The following ARSF variants were observed in gnomAD, a reference collection of about 807,000 sequenced individuals.
ARSF encodes the protein arylsulfatase F.
A neutral mutation model predicts 35.4 loss-of-function variants in ARSF; 33 were observed. That is an observed-to-expected ratio of 0.93 (90% CI 0.71 to 1.25). The LOEUF (loss-of-function observed/expected upper bound fraction) is 1.25. Ranked by LOEUF, ARSF falls within the 50% of genes most tolerant of loss-of-function variation. The probability of loss-of-function intolerance (pLI) is 0.00; values close to 1 mark genes in which losing one functional copy is unlikely to be tolerated. For missense variants in ARSF, 501 were observed against 480.2 expected, an observed-to-expected ratio of 1.04 and a Z score of -0.40; for synonymous variants, 222 against 193.1, an observed-to-expected ratio of 1.15 and a Z score of -1.24.
intron 7 of ARSF, among the ~76,000 whole-genome samples, chrX:3,098,457 T>TG (rs1311330024): frequency 9.0e-6 from 1 of 111,257 alleles, no homozygotes; most frequent in Admixed American, 9.6e-5. Flanking sequence ...CCACATGTTG[T>TG]GGGGGGGACC....
At chrX:3,072,213 C>T (rs779120085) in intron 3 of ARSF, 38 bp downstream of exon 3, 9 of 1,186,228 alleles carry the variant, frequency 7.6e-6, no homozygotes, top group South Asian at 3.7e-5. Flanking sequence ...GTTCGTCAGT[C>T]GTTCAGGTTC....
At chrX:3,089,272 T>C (rs1167741594) in intron 6 of ARSF, among the ~76,000 whole-genome samples, 1 of 111,077 alleles carries the variant, frequency 9.0e-6, no homozygotes, top group Non-Finnish European at 1.9e-5. Flanking sequence ...ATGAAGTTTA[T>C]AGAGATGGTT....
chrX:3,095,301 C>T (rs2090331429), intron 7 of ARSF, among the ~76,000 whole-genome samples: 1 of 108,326 alleles, frequency 9.2e-6, no homozygotes, highest in Non-Finnish European at 1.9e-5. Flanking sequence ...GTTAAAAACC[C>T]TAGAGTTTAA....
chrX:3,111,368 A>G (rs770823938), intron 10 of ARSF, among the ~76,000 whole-genome samples: 1 of 111,824 alleles, frequency 8.9e-6, no homozygotes, highest in African/African-American at 3.2e-5. Flanking sequence ...ATATGCACAC[A>G]TTGCACATGA....
intron 1 of ARSF, among the ~76,000 whole-genome samples, chrX:3,056,363 C>A (rs958455550): frequency 2.6e-4 from 28 of 107,878 alleles, no homozygotes; most frequent in African/African-American, 9.2e-4. Flanking sequence ...GCAACCTCTG[C>A]CTCCCGGGTT....
chrX:3,070,551 C>G (rs2090095961), intron 2 of ARSF, among the ~76,000 whole-genome samples: 1 of 110,955 alleles, frequency 9.0e-6, no homozygotes, highest in African/African-American at 3.3e-5. Flanking sequence ...TTTCAGACTT[C>G]CCTCCTGGAA....
intron 4 of ARSF, 149 bp from the exon 5 acceptor site, chrX:3,080,742 C>T: frequency 1.6e-6 from 1 of 633,545 alleles, no homozygotes; most frequent in Non-Finnish European, 2.3e-6. Flanking sequence ...CTTGAGGCTC[C>T]ACCCTCCTGA....
chrX:3,067,631 G>A (rs7879772), intron 1 of ARSF, among the ~76,000 whole-genome samples: 4,779 of 110,199 alleles, frequency 0.043, 239 homozygotes, highest in African/African-American at 0.15. Context: ...CCAAAAGACG[G>A]GCAGAGCACT....
intron 7 of ARSF, among the ~76,000 whole-genome samples, chrX:3,092,321 G>A (rs1410412695): frequency 9.0e-6 from 1 of 111,534 alleles, no homozygotes; most frequent in African/African-American, 3.3e-5. Flanking sequence ...CAAAAATCGT[G>A]GCGATCCTAT....
At chrX:3,063,122 C>T (rs186996149) in intron 1 of ARSF, among the ~76,000 whole-genome samples, 75 of 111,896 alleles carry the variant, frequency 6.7e-4, no homozygotes, top group African/African-American at 2.3e-3. Context: ...AAGTTGGCTT[C>T]ATCCCTGGGA....
In ARSF at chrX:3,112,581, C is replaced by A. The variant is rs372610439; in HGVS notation, c.*25C>A. On this transcript the variant is annotated 3_prime_UTR_variant, in exon 11 of 11. Coordinates refer to ENST00000381127, the MANE Select transcript of ARSF (RefSeq NM_001201539.2). ...ATTACAATCAGGCTACCAGAGGAAGCCTTTGGTCCTAACGAGAAGAGATAA... is the reference window on the plus strand; with the variant it reads ...ATTACAATCAGGCTACCAGAGGAAGACTTTGGTCCTAACGAGAAGAGATAA... 2 of 1,172,264 alleles carry A rather than the reference C, an allele frequency of 1.7e-6. No individual in the cohort carries two copies. Among genetic ancestry groups the A allele is most frequent in the African/African-American group, 3.8e-5 (2 of 52,367 alleles).
At chrX:3,091,325 T>C (rs1339083075) in intron 7 of ARSF, among the ~76,000 whole-genome samples, 3 of 112,569 alleles carry the variant, frequency 2.7e-5, no homozygotes, top group Non-Finnish European at 5.6e-5. Context: ...GGATTGGGAA[T>C]TAACTGGTAA....
At chrX:3,055,342 CAAA>C (rs770014108) in intron 1 of ARSF, among the ~76,000 whole-genome samples, 5 of 32,456 alleles carry the variant, frequency 1.5e-4, no homozygotes, top group African/African-American at 2.3e-4. Context: ...AACTCCATTT[CAAA>C]AAAAAAAAAA....
intron 4 of ARSF, among the ~76,000 whole-genome samples, chrX:3,077,773 T>TA (rs1437761555): frequency 1.0e-5 from 1 of 98,190 alleles, no homozygotes; most frequent in Non-Finnish European, 2.1e-5. Context: ...GCTCAATTTA[T>TA]ATCAATTTTA....
chrX:3,054,803 G>A (rs192548133), intron 1 of ARSF, among the ~76,000 whole-genome samples: 155 of 106,577 alleles, frequency 1.5e-3, no homozygotes, highest in African/African-American at 4.8e-3. Context: ...GCACGATCTC[G>A]GCTCACTGCA....
At chrX:3,085,485 A>G (rs2090241532) in intron 6 of ARSF, among the ~76,000 whole-genome samples, 1 of 109,721 alleles carries the variant, frequency 9.1e-6, no homozygotes, top group Non-Finnish European at 1.9e-5. Context: ...CTCTTTGAGC[A>G]TGTGATACGT....
chrX:3,062,942 TAACTCATTTTATGAGGCC>T (rs1278063600), intron 1 of ARSF, among the ~76,000 whole-genome samples: 6 of 111,937 alleles, frequency 5.4e-5, no homozygotes, highest in Non-Finnish European at 7.5e-5. Flanking sequence ...GAATCCTCCC[TAACTCATTTTATGAGGCC>T]AACATCATCC....
At chrX:3,046,153 T>C (rs1448432443) in intron 1 of ARSF, among the ~76,000 whole-genome samples, 1 of 111,839 alleles carries the variant, frequency 8.9e-6, no homozygotes, top group Non-Finnish European at 1.9e-5. Context: ...CCCAGAGTGC[T>C]GAGATTACAG....
intron 2 of ARSF, among the ~76,000 whole-genome samples, chrX:3,069,369 G>A (rs1322648350): frequency 9.0e-6 from 1 of 110,989 alleles, no homozygotes; most frequent in Non-Finnish European, 1.9e-5. Flanking sequence ...TGTAGCCCAG[G>A]CTAGAGTGCA....
Sources: gnomAD v4.1 joint callset for allele counts (sites outside exome capture counted in the v4.1 genomes callset) on GRCh38, gnomAD v4.1.1 for gene constraint, MANE v1.5 for transcripts, NCBI Gene and HGNC (gene_info 2026-07-23, HGNC 2026-07-21) for gene names.